CPNE4: variants seen among roughly 807,000 people sequenced by gnomAD.
CPNE4 encodes the protein copine-4.
CPNE4 carries 25 observed loss-of-function variants against 67.9 expected under a neutral mutation model. The ratio of observed to expected loss-of-function variants is 0.37; its 90% CI spans 0.27 to 0.51. The LOEUF (loss-of-function observed/expected upper bound fraction) is 0.51, where lower values mean the gene tolerates loss of function less well. CPNE4 is among the 20% of genes least tolerant of loss of function. The pLI is 0.93. For synonymous variants in CPNE4, 242 were observed against 244.9 expected (o/e 0.99, Z 0.11); for missense variants, 464 against 690.8 (o/e 0.67, Z 3.68).
At chr3:132,035,468 G>T (rs144308262), upstream of CPNE4, 1 of 152,180 alleles carries the variant, frequency 6.6e-6, no homozygotes, top group Non-Finnish European at 1.5e-5. Flanking sequence ...AGTAAGTAAT[G>T]CATGAGTAAA....
intron 7 of CPNE4, among the ~76,000 whole-genome samples, chr3:131,624,971 C>A (rs566525301): frequency 7.2e-4 from 109 of 152,218 alleles, no homozygotes; most frequent in South Asian, 3.3e-3. Flanking sequence ...TGGTCCTTAC[C>A]CTATGCAAAC....
At chr3:131,923,113 T>C (rs923966036) in intron 1 of CPNE4, among the ~76,000 whole-genome samples, 7 of 152,180 alleles carry the variant, frequency 4.6e-5, no homozygotes, top group Admixed American at 1.3e-4. Flanking sequence ...AGAAATTAGC[T>C]CATGGGAGGT....
intron 1 of CPNE4, among the ~76,000 whole-genome samples, chr3:131,947,620 T>G (rs1440347469): frequency 1.3e-5 from 2 of 152,244 alleles, no homozygotes. Context: ...CCACATTTTA[T>G]TTATCCAGTC....
chr3:131,617,171 A>T (rs1439474017), intron 7 of CPNE4, among the ~76,000 whole-genome samples: 1 of 152,180 alleles, frequency 6.6e-6, no homozygotes, highest in Non-Finnish European at 1.5e-5. Flanking sequence ...TAATTTGGAG[A>T]TCATTCCACT....
intron 2 of CPNE4, among the ~76,000 whole-genome samples, chr3:131,876,281 AATAC>A (rs1176902010): frequency 2.1e-5 from 3 of 140,202 alleles, no homozygotes; most frequent in African/African-American, 7.8e-5. Flanking sequence ...TAAATAAATA[AATAC>A]GAATACAACC....
chr3:131,804,505 C>A (rs2084241413), intron 2 of CPNE4, among the ~76,000 whole-genome samples: 1 of 152,064 alleles, frequency 6.6e-6, no homozygotes. Flanking sequence ...AGGACTAGCA[C>A]AATAATAAAC....
chr3:132,037,471 A>G (rs751834803), upstream of CPNE4: 4 of 961,700 alleles, frequency 4.2e-6, no homozygotes, highest in Admixed American at 6.0e-5. Context: ...CCATGTTTTC[A>G]ATCACTGCCC....
intron 2 of CPNE4, among the ~76,000 whole-genome samples, chr3:131,838,662 C>T (rs2108012740): frequency 6.6e-6 from 1 of 151,640 alleles, no homozygotes; most frequent in South Asian, 2.1e-4. Flanking sequence ...ATAAGAATCT[C>T]ATAGAACTTT....
At chr3:131,742,611 T>C (rs2082385986) in intron 2 of CPNE4, among the ~76,000 whole-genome samples, 1 of 152,160 alleles carries the variant, frequency 6.6e-6, no homozygotes, top group South Asian at 2.1e-4. Context: ...GGAACATTTA[T>C]GTAAATTGGC....
At chr3:131,869,650 T>C (rs1162401769) in intron 2 of CPNE4, among the ~76,000 whole-genome samples, 1 of 152,196 alleles carries the variant, frequency 6.6e-6, no homozygotes, top group Admixed American at 6.5e-5. Flanking sequence ...GAACAATGCA[T>C]TATATGTTTT....
chr3:131,846,411 T>TC (rs1387507850), intron 2 of CPNE4, among the ~76,000 whole-genome samples: 1 of 152,154 alleles, frequency 6.6e-6, no homozygotes, highest in East Asian at 1.9e-4. Flanking sequence ...CTGGATTCTT[T>TC]CCCCCTCACT....
chr3:131,544,937 C>T (rs1412915444), intron 14 of CPNE4, among the ~76,000 whole-genome samples: 1 of 152,138 alleles, frequency 6.6e-6, no homozygotes, highest in Non-Finnish European at 1.5e-5. Context: ...TGATAAATGC[C>T]TTAAGAAATA....
At chr3:131,626,692 T>A (rs368665971) in intron 7 of CPNE4, among the ~76,000 whole-genome samples, 43 of 152,332 alleles carry the variant, frequency 2.8e-4, no homozygotes, top group African/African-American at 1.0e-3. Flanking sequence ...GCTATGATCA[T>A]TGATGAAGAT....
intron 2 of CPNE4, among the ~76,000 whole-genome samples, chr3:131,761,547 G>A (rs1173279832): frequency 6.6e-6 from 1 of 152,130 alleles, no homozygotes; most frequent in Admixed American, 6.6e-5. Context: ...CCCACAAAAA[G>A]TATGGTTCTG....
At chr3:131,925,979 G>A (rs1378484611) in intron 1 of CPNE4, among the ~76,000 whole-genome samples, 6 of 152,124 alleles carry the variant, frequency 3.9e-5, no homozygotes, top group African/African-American at 1.2e-4. Context: ...TTTCTTCTCT[G>A]CAGATGGAAT....
intron 8 of CPNE4, among the ~76,000 whole-genome samples, chr3:131,584,288 C>T (rs56195101): frequency 0.019 from 2,892 of 152,158 alleles, 36 homozygotes; most frequent in East Asian, 0.037. Flanking sequence ...AATATATTTA[C>T]GGGTAAACCT....
At chr3:131,789,035 C>CAG (rs71136414) in intron 2 of CPNE4, among the ~76,000 whole-genome samples, 3,990 of 137,226 alleles carry the variant, frequency 0.029, 193 homozygotes, top group African/African-American at 0.099. Flanking sequence ...CACACACACA[C>CAG]AGAGAGAGAG....
intron 11 of CPNE4, among the ~76,000 whole-genome samples, chr3:131,563,009 C>T (rs1377445142): frequency 6.6e-6 from 1 of 152,048 alleles, no homozygotes; most frequent in Non-Finnish European, 1.5e-5. Flanking sequence ...ATTTGAGTTA[C>T]TGGTGATGAC....
intron 7 of CPNE4, among the ~76,000 whole-genome samples, chr3:131,596,964 T>C (rs1938917856): frequency 6.6e-6 from 1 of 152,222 alleles, no homozygotes. Flanking sequence ...CTGGTTTTCA[T>C]GTAGTAACAT....
Sources: gnomAD v4.1 joint callset for allele counts (sites outside exome capture counted in the v4.1 genomes callset) on GRCh38, gnomAD v4.1.1 for gene constraint, MANE v1.5 for transcripts, NCBI Gene and HGNC (gene_info 2026-07-23, HGNC 2026-07-21) for gene names.